SUPT16H: variants seen among roughly 807,000 people sequenced by gnomAD.
SUPT16H encodes the protein SPT16 homolog, facilitates chromatin remodeling subunit.
Under a neutral mutation model 136.2 loss-of-function variants are expected in SUPT16H, and 24 were observed. The observed-to-expected ratio is 0.18, with a 90% CI of 0.13 to 0.25. The LOEUF (loss-of-function observed/expected upper bound fraction) is 0.25, where lower values mean the gene tolerates loss of function less well. Ranked by LOEUF, SUPT16H falls within the 10% of genes least tolerant of loss-of-function variation. The pLI is 1.00. For missense variants in SUPT16H, 623 were observed against 1,270.2 expected (o/e 0.49, Z 7.74); for synonymous variants, 415 against 428.2 (o/e 0.97, Z 0.38).
At chr14:21,378,009 T>A (rs1215096230) in intron 1 of SUPT16H, among the ~76,000 whole-genome samples, 1 of 152,122 alleles carries the variant, frequency 6.6e-6, no homozygotes, top group African/African-American at 2.4e-5. Flanking sequence ...GGACCCAATA[T>A]TGCAAAGTCC....
intron 1 of SUPT16H, chr14:21,383,295 G>C: frequency 3.2e-6 from 1 of 317,312 alleles, no homozygotes; most frequent in East Asian, 5.3e-5. Flanking sequence ...GGCTTTCAGC[G>C]TTAGGTCCCT....
chr14:21,362,691 A>T, intron 14 of SUPT16H, 103 bp downstream of exon 14: 1 of 1,304,052 alleles, frequency 7.7e-7, no homozygotes, highest in Non-Finnish European at 1.0e-6. Flanking sequence ...AGTCTGAAGG[A>T]GTCAAAAGTG....
At position 21,362,657 on chromosome 14, in the gene SUPT16H, A is replaced by G. The variant is rs866927325; in HGVS notation, c.1665+137T>C. 8 of 1,023,458 alleles carry G rather than the reference A, an allele frequency of 7.8e-6. No individual in the cohort carries two copies. In the African/African-American group the frequency reaches 1.1e-4, roughly 14 times the overall value. 63.4% of individuals were successfully genotyped at this position (1,023,458 alleles called of 1,614,324 possible). On this transcript the variant is annotated intron_variant, in intron 14 of 25. Transcript: ENST00000216297. Reference sequence around the variant, plus strand: ...AAAGAGGAAGGAGAATGACAAGACAAGAGGGATGTCAGTAACTGAACAGAG... The same window carrying G: ...AAAGAGGAAGGAGAATGACAAGACAGGAGGGATGTCAGTAACTGAACAGAG...
intron 1 of SUPT16H, among the ~76,000 whole-genome samples, chr14:21,377,627 ATTTATTC>A (rs374345313): frequency 1.9e-3 from 12 of 6,332 alleles, no homozygotes; most frequent in Admixed American, 3.6e-3. Context: ...TGAGCTTTTT[ATTTATTC>A]TTTTTTTGAG....
Position 21,353,811 on chromosome 14 carries a change from C to A in SUPT16H, c.2812G>T (p.Asp938Tyr). ...TCATCTTCAATTTCAGACTCTGAATCCCCTTCTTCAGCATCACTCCCCTGG... is the reference window on the plus strand; with the variant it reads ...TCATCTTCAATTTCAGACTCTGAATACCCTTCTTCAGCATCACTCCCCTGG... ...EGEGSDAEEG[D>Y]SESEIEDETF... Residue 938 changes from aspartate (D) to tyrosine (Y), a missense_variant, in exon 24 of 26, where the codon GAT (aspartate) becomes TAT (tyrosine). Transcript: ENST00000216297. The A allele has an allele frequency of 6.2e-7, 1 of 1,613,774 alleles. No homozygotes were observed. The highest frequency in any genetic ancestry group is 8.5e-7 in the Non-Finnish European group (1 of 1,179,922).
chr14:21,362,714 A>C, intron 14 of SUPT16H, 80 bp downstream of exon 14: 2 of 1,475,538 alleles, frequency 1.4e-6, no homozygotes, highest in South Asian at 2.7e-5. Context: ...AGACATGATG[A>C]ATGCAGATTA....
chr14:21,354,742 C>G, intron 22 of SUPT16H: 1 of 456,444 alleles, frequency 2.2e-6, no homozygotes, highest in South Asian at 2.7e-5. Context: ...CAGGCGCATG[C>G]CACCATGCCT....
chr14:21,353,938 A>G, intron 23 of SUPT16H, 106 bp from the exon 24 acceptor site: 1 of 1,084,074 alleles, frequency 9.2e-7, no homozygotes, highest in Non-Finnish European at 1.3e-6. Context: ...GAAGAAAACA[A>G]GAGCAAAATA....
At chr14:21,383,759 C>A (rs1594315528) in intron 1 of SUPT16H, 103 bp downstream of exon 1, 3 of 1,367,444 alleles carry the variant, frequency 2.2e-6, no homozygotes, top group Middle Eastern at 1.8e-4. Context: ...AGGCACAGAA[C>A]CCGGGAATTC....
chr14:21,366,301 C>A, intron 8 of SUPT16H, 138 bp downstream of exon 8: 1 of 774,818 alleles, frequency 1.3e-6, no homozygotes, highest in Non-Finnish European at 2.1e-6. Context: ...CTGATAACAT[C>A]ATGTGCCTGG....
chr14:21,383,064 G>A, intron 1 of SUPT16H: 1 of 152,406 alleles, frequency 6.6e-6, no homozygotes, highest in East Asian at 1.9e-4. Flanking sequence ...AACTCAGACT[G>A]CATCACAGAA....
At chr14:21,357,866 A>G in intron 21 of SUPT16H, 61 bp downstream of exon 21, 1 of 1,444,628 alleles carries the variant, frequency 6.9e-7, no homozygotes, top group East Asian at 2.3e-5. Context: ...GATAAAAAAC[A>G]CCTATCCTTC....
At chr14:21,360,691 T>C (rs1476726973) in intron 17 of SUPT16H, among the ~76,000 whole-genome samples, 155 bp downstream of exon 17, 1 of 152,198 alleles carries the variant, frequency 6.6e-6, no homozygotes, top group Non-Finnish European at 1.5e-5. Context: ...AGTAGATTCC[T>C]CCCAGCATTT....
chr14:21,368,212 C>T lies in SUPT16H; in HGVS notation c.955+57G>A, dbSNP rs1468831225. The T allele has an allele frequency of 1.6e-5, 25 of 1,548,554 alleles. No individual in the cohort carries two copies. The Middle Eastern group carries it at 7.0e-4, about 43-fold the overall frequency. On this transcript the variant is annotated intron_variant, in intron 7 of 25. Coordinates refer to ENST00000216297, the MANE Select transcript of SUPT16H (RefSeq NM_007192.4). ...GATTACAGGTGTGACCCACAGCTCC[C>T]GGCCAATGACATTTTTGTTACACAA... is the stretch of plus-strand genomic sequence containing the variant.
At chr14:21,383,596 G>A (rs142308286) in intron 1 of SUPT16H, 4 of 701,118 alleles carry the variant, frequency 5.7e-6, no homozygotes, top group African/African-American at 3.5e-5. Context: ...AGGGCGGGAA[G>A]AGACTGCGAG....
At chr14:21,364,453 G>C (rs540864117) in intron 10 of SUPT16H, among the ~76,000 whole-genome samples, 3 of 152,180 alleles carry the variant, frequency 2.0e-5, no homozygotes, top group Admixed American at 6.5e-5. Flanking sequence ...TTGTAGTGAT[G>C]GTTACACAAA....
At chr14:21,365,002 G>A in intron 9 of SUPT16H, 63 bp from the exon 10 acceptor site, 1 of 1,604,090 alleles carries the variant, frequency 6.2e-7, no homozygotes, top group South Asian at 1.1e-5. Flanking sequence ...TGAGACATAT[G>A]CCTAAAAGAA....
Position 21,373,411 on chromosome 14 carries a change from G to A in SUPT16H, c.86C>T (p.Ala29Val). 6.2e-7 allele frequency: 1 copy of A among 1,613,864 alleles called. No individual in the cohort carries two copies. The highest frequency in any genetic ancestry group is 2.2e-5 in the East Asian group (1 of 44,862). ...SNWRKGEDEYANVDAIVVSVG... is the reference protein window; with the variant it reads ...SNWRKGEDEYVNVDAIVVSVG... ...TGATACAACAATGGCATCAACGTTG[G>A]CATACTCATCTTCTCCTTTCTGAAA... Residue 29 changes from alanine (A) to valine (V), a missense_variant, in exon 2 of 26, where the codon GCC becomes GTC. Physicochemically the swap from Ala to Val is moderately conservative, Grantham distance 64 (BLOSUM62 0). Transcript: ENST00000216297.
chr14:21,371,645 T>G (rs777726566), intron 3 of SUPT16H, among the ~76,000 whole-genome samples: 4 of 152,222 alleles, frequency 2.6e-5, no homozygotes, highest in Non-Finnish European at 5.9e-5. Flanking sequence ...AATGGAGACA[T>G]AAAATCAGTG....
Sources: gnomAD v4.1 joint callset for allele counts (sites outside exome capture counted in the v4.1 genomes callset) on GRCh38, gnomAD v4.1.1 for gene constraint, MANE v1.5 for transcripts, NCBI Gene and HGNC (gene_info 2026-07-23, HGNC 2026-07-21) for gene names.